Variants in FAM171A1 observed in about 807,000 individuals in gnomAD.
FAM171A1 encodes protein FAM171A1.
FAM171A1 carries 23 observed loss-of-function variants against 74.9 expected under a neutral mutation model. The observed-to-expected ratio is 0.31, with a 90% CI of 0.22 to 0.44. The LOEUF is 0.44. FAM171A1 is among the 20% of genes least tolerant of loss of function. The pLI, the probability that FAM171A1 is intolerant of heterozygous loss-of-function variation, is 1.00. For synonymous variants in FAM171A1, 527 were observed against 505.7 expected (o/e 1.04, Z -0.57); for missense variants, 1,162 against 1,159.2 (o/e 1.00, Z -0.03).
chr10:15,213,642 T>C lies in FAM171A1; in HGVS notation c.1946A>G (p.Gln649Arg). ...GCTCCACTCCCGGGTGCCCGCATCC[T>C]GCAGGTGCTGCTGAGAGATGGCCTG... ...SSQAISQQHLQDAGTREWSPQ... is the reference protein window; with the variant it reads ...SSQAISQQHLRDAGTREWSPQ... The change falls in exon 8 of 8, where the codon CAG (glutamine) becomes CGG (arginine). Residue 649 changes from glutamine (Q) to arginine (R), a missense_variant. Coordinates refer to ENST00000378116, the MANE Select transcript of FAM171A1 (RefSeq NM_001010924.2). This position sits in a 1 kb window ranked among gnomAD's most constrained non-coding sequence, Gnocchi z 6.8. 6.2e-7 allele frequency: 1 copy of C among 1,614,120 alleles called. No individual in the cohort carries two copies.
At chr10:15,283,413 T>C (rs570369218) in intron 2 of FAM171A1, among the ~76,000 whole-genome samples, 2 of 152,334 alleles carry the variant, frequency 1.3e-5, no homozygotes, top group South Asian at 4.1e-4. Context: ...ATCTCCATTG[T>C]ATCTGTATCA....
At chr10:15,353,132 G>T (rs1478516249) in intron 1 of FAM171A1, among the ~76,000 whole-genome samples, 1 of 152,024 alleles carries the variant, frequency 6.6e-6, no homozygotes. Context: ...ATGCCTTATC[G>T]CACATTCAAA....
intron 2 of FAM171A1, among the ~76,000 whole-genome samples, chr10:15,280,411 G>C (rs565546007): frequency 1.3e-5 from 2 of 152,220 alleles, no homozygotes; most frequent in East Asian, 3.8e-4. Context: ...CTGGACCATC[G>C]CTAAGGACCT....
chr10:15,355,755 AG>A (rs1338224189), intron 1 of FAM171A1, among the ~76,000 whole-genome samples: 1 of 152,046 alleles, frequency 6.6e-6, no homozygotes. Context: ...ATAAGTAAAG[AG>A]GGAACAGGCA....
chr10:15,237,380 G>C (rs979889769), intron 5 of FAM171A1: 1 of 152,118 alleles, frequency 6.6e-6, no homozygotes, highest in African/African-American at 2.4e-5. Context: ...TCTCATTTTG[G>C]GGGGAGACAA....
At chr10:15,216,648 G>C (rs969508341) in intron 6 of FAM171A1, among the ~76,000 whole-genome samples, 4 of 151,842 alleles carry the variant, frequency 2.6e-5, no homozygotes, top group Admixed American at 2.6e-4. Flanking sequence ...TGCCTAGGTG[G>C]GTCTTGAACT....
At chr10:15,362,402 A>T (rs1836005002) in intron 1 of FAM171A1, among the ~76,000 whole-genome samples, 1 of 152,204 alleles carries the variant, frequency 6.6e-6, no homozygotes, top group African/African-American at 2.4e-5. Flanking sequence ...AACTCCTTGA[A>T]ATATCTAGAA....
chr10:15,216,832 GAAAA>G (rs5783433), intron 6 of FAM171A1, among the ~76,000 whole-genome samples: 2 of 134,888 alleles, frequency 1.5e-5, no homozygotes, highest in Non-Finnish European at 1.6e-5. Flanking sequence ...ATATTGCAGT[GAAAA>G]AAAAAAAAAA....
At chr10:15,311,246 C>G (rs1835356391) in intron 1 of FAM171A1, among the ~76,000 whole-genome samples, 1 of 152,222 alleles carries the variant, frequency 6.6e-6, no homozygotes, top group Non-Finnish European at 1.5e-5. Context: ...GCTTCTGTAT[C>G]TTTACAAGCA....
At chr10:15,248,316 A>G (rs1296619569) in intron 5 of FAM171A1, among the ~76,000 whole-genome samples, 2 of 152,206 alleles carry the variant, frequency 1.3e-5, no homozygotes, top group Non-Finnish European at 2.9e-5. Context: ...AAGAGCAACC[A>G]TATGACCTTC....
chr10:15,331,817 GTA>G (rs35924506), intron 1 of FAM171A1, among the ~76,000 whole-genome samples: 3 of 95,200 alleles, frequency 3.2e-5, no homozygotes, highest in African/African-American at 7.1e-5. Context: ...ATATATGTGG[GTA>G]TATATATGTG....
In FAM171A1 at chr10:15,213,109, G is replaced by T; in HGVS notation, c.2479C>A (p.Gln827Lys). Residue 827 changes from glutamine (Q) to lysine (K), a missense_variant, in exon 8 of 8, where the codon CAG becomes AAG. By Grantham distance (53) the Gln-to-Lys change is moderately conservative (BLOSUM62 1). Coordinates refer to ENST00000378116, the MANE Select transcript of FAM171A1 (RefSeq NM_001010924.2). The surrounding 1 kb of genome is among the most constrained non-coding windows in gnomAD (Gnocchi z 6.8). ...GTCTCCTCCTGCAGGCTGGGCAGCT[G>T]GCCACCACTTCTCCGACTCGACCCC... ...LEGSSRRSGG[Q>K]LPSLQEETTR... 6.2e-7 allele frequency: 1 copy of T among 1,613,798 alleles called. No individual in the cohort carries two copies. The highest frequency in any genetic ancestry group is 8.5e-7 in the Non-Finnish European group (1 of 1,179,860).
intron 1 of FAM171A1, among the ~76,000 whole-genome samples, chr10:15,302,399 A>G (rs757265693): frequency 6.6e-6 from 1 of 150,918 alleles, no homozygotes; most frequent in African/African-American, 2.4e-5. Context: ...CAGGAGGCGG[A>G]GGTCGCAGTG....
At chr10:15,357,587 T>C (rs1011970486) in intron 1 of FAM171A1, among the ~76,000 whole-genome samples, 13 of 152,186 alleles carry the variant, frequency 8.5e-5, no homozygotes, top group Admixed American at 5.2e-4. Context: ...TATTTGTGAA[T>C]TTCCTGGTAT....
intron 3 of FAM171A1, among the ~76,000 whole-genome samples, chr10:15,269,174 T>C (rs1834789164): frequency 6.6e-6 from 1 of 152,160 alleles, no homozygotes; most frequent in Non-Finnish European, 1.5e-5. Flanking sequence ...AGTGCAGTGA[T>C]ACGATCACGG....
At position 15,238,299 on chromosome 10, in the gene FAM171A1, C is replaced by T. The variant is rs74349878; in HGVS notation, c.754+10340G>A. Among the ~76,000 whole-genome samples the T allele has an allele frequency of 1.8e-3, 281 of 152,196 alleles. 1 individual carries two copies. The highest frequency in any genetic ancestry group is 6.3e-3 in the African/African-American group (263 of 41,508). Reference sequence around the variant, plus strand: ...TTTTTAAAGAGCAGATTTAGGTTCGCGGCAAAACTGAAAGGAAGGTGCAGA... The same window carrying T: ...TTTTTAAAGAGCAGATTTAGGTTCGTGGCAAAACTGAAAGGAAGGTGCAGA... On this transcript the variant is annotated intron_variant, in intron 5 of 7. Transcript: ENST00000378116.
chr10:15,265,865 C>T (rs1834733595), intron 3 of FAM171A1, among the ~76,000 whole-genome samples: 1 of 152,054 alleles, frequency 6.6e-6, no homozygotes, highest in South Asian at 2.1e-4. Flanking sequence ...TCCAGAACTC[C>T]CAGCTGGTGG....
chr10:15,351,770 A>G (rs1835883126), intron 1 of FAM171A1, among the ~76,000 whole-genome samples: 1 of 152,168 alleles, frequency 6.6e-6, no homozygotes, highest in Admixed American at 6.6e-5. Flanking sequence ...AAATAAATTT[A>G]AGGCCAGGTG....
chr10:15,340,378 A>C (rs1835751666), intron 1 of FAM171A1, among the ~76,000 whole-genome samples: 1 of 152,178 alleles, frequency 6.6e-6, no homozygotes, highest in South Asian at 2.1e-4. Flanking sequence ...CCTCTGCCTA[A>C]AAGGCTTTGC....
Sources: gnomAD v4.1 joint callset for allele counts (sites outside exome capture counted in the v4.1 genomes callset) on GRCh38, gnomAD v4.1.1 for gene constraint, Gnocchi (gnomAD v3.1) non-coding constraint, MANE v1.5 for transcripts, NCBI Gene and HGNC (gene_info 2026-07-23, HGNC 2026-07-21) for gene names.